The following ITFG2 variants were observed in gnomAD, a reference collection of about 807,000 sequenced individuals.
ITFG2 encodes KICSTOR complex protein ITFG2.
A neutral mutation model predicts 54.4 loss-of-function variants in ITFG2; 36 were observed. The observed-to-expected ratio is 0.66, with a 90% CI of 0.51 to 0.87. The LOEUF is 0.87. ITFG2 is among the 40% of genes least tolerant of loss of function. The probability of loss-of-function intolerance (pLI) is 0.00; values close to 1 mark genes in which losing one functional copy is unlikely to be tolerated. For missense variants in ITFG2, 524 were observed against 576.7 expected (o/e 0.91, Z 0.94); for synonymous variants, 211 against 225.4 (o/e 0.94, Z 0.57).
At chr12:2,827,801 T>TG, downstream of ITFG2, 1 of 1,603,370 alleles carries the variant, frequency 6.2e-7, no homozygotes, top group Admixed American at 1.7e-5. The surrounding 1 kb of genome is among the most constrained non-coding windows in gnomAD (Gnocchi z 4.0). Flanking sequence ...GGCACAGAGA[T>TG]GGGGGATAGT....
At chr12:2,859,715 C>T (rs752587658) in exon 4 of ITFG2, 7 of 1,342,312 alleles carry the variant, frequency 5.2e-6, no homozygotes, top group Non-Finnish European at 5.1e-6. Context: ...ACAGGACGCA[C>T]AAAAATATCA....
At chr12:2,823,669 A>C in intron 10 of ITFG2, 101 bp from the exon 11 acceptor site, 1 of 1,372,812 alleles carries the variant, frequency 7.3e-7, no homozygotes. Context: ...CATCAGTGGG[A>C]GGATGGAAAG....
At position 2,817,948 on chromosome 12, in the gene ITFG2, A is replaced by G. The variant is rs1418333923; in HGVS notation, c.232A>G (p.Lys78Glu). ...VGVGDVCNKGKNLLVAVSAEG... is the reference protein window; with the variant it reads ...VGVGDVCNKGENLLVAVSAEG... ...GGTTGGAGACGTGTGTAATAAAGGAAAGGTAAGAACTATAGGGGACCTTCC... is the reference window on the plus strand; with the variant it reads ...GGTTGGAGACGTGTGTAATAAAGGAGAGGTAAGAACTATAGGGGACCTTCC... The change falls in exon 3 of 12, where the codon AAG (lysine) becomes GAG (glutamate). Residue 78 changes from lysine (K) to glutamate (E), a missense_variant and splice_region_variant. By Grantham distance (56) the Lys-to-Glu change is moderately conservative. Coordinates refer to ENST00000228799, the MANE Select transcript of ITFG2 (RefSeq NM_018463.4). 1 of 1,613,622 alleles carries G rather than the reference A, an allele frequency of 6.2e-7. No individual in the cohort carries two copies. The highest frequency in any genetic ancestry group is 8.5e-7 in the Non-Finnish European group (1 of 1,179,896).
intron 1 of ITFG2, among the ~76,000 whole-genome samples, chr12:2,837,762 G>A (rs1222162083): frequency 7.2e-5 from 11 of 152,160 alleles, no homozygotes; most frequent in African/African-American, 2.4e-4. Context: ...CCAGAAATTC[G>A]AGGCTGCAGT....
rs1236675490 is a variant in ITFG2, at chr12:2,820,153, G to T, written c.474G>T (p.Glu158Asp). Reference sequence around the variant, plus strand: ...GTGTGGTGCGAGCTTTCCGCTGGGAGGAGCTAGGTGAGGGTCCTGAACATC... The same window carrying T: ...GTGTGGTGCGAGCTTTCCGCTGGGATGAGCTAGGTGAGGGTCCTGAACATC... The part of the protein sequence containing the change: ...TDRVVRAFRW[E>D]ELGEGPEHLT... Residue 158 changes from glutamate to aspartate, a missense_variant, in exon 5 of 12, where the codon GAG (glutamate) becomes GAT (aspartate). Glu to Asp is a conservative substitution (Grantham distance 45). Coordinates refer to ENST00000228799, the MANE Select transcript of ITFG2 (RefSeq NM_018463.4). 1.9e-6 allele frequency: 3 copies of T among 1,613,930 alleles called. No homozygotes were observed. The highest frequency in any genetic ancestry group is 2.7e-5 in the African/African-American group (2 of 74,932).
intron 2 of ITFG2, among the ~76,000 whole-genome samples, chr12:2,850,019 G>A (rs1016597366): frequency 5.9e-5 from 9 of 152,260 alleles, no homozygotes; most frequent in East Asian, 3.9e-4. Flanking sequence ...CCCCTGGTTC[G>A]GCAGATAGTC....
chr12:2,859,173 G>A lies in ITFG2; in HGVS notation n.621-361G>A, dbSNP rs555600796. 3 of 1,608,180 alleles carry A rather than the reference G, an allele frequency of 1.9e-6. No individual in the cohort carries two copies. In the Admixed American group the frequency reaches 5.0e-5, roughly 27 times the overall value. On this transcript the variant is annotated intron_variant and non_coding_transcript_variant, in intron 3 of 3. Coordinates refer to the ITFG2 transcript ENST00000537710. ...CACTTCCTGGGAGTAGCTGAGCTGGGAGGCAGGGTCAGAGGAGTCTGCTGG... is the reference window on the plus strand; with the variant it reads ...CACTTCCTGGGAGTAGCTGAGCTGGAAGGCAGGGTCAGAGGAGTCTGCTGG...
rs2034798093 is a variant in ITFG2, at chr12:2,859,189, A to C, written n.621-345A>C. ...CTGAGCTGGGAGGCAGGGTCAGAGG[A>C]GTCTGCTGGGAACGGGAGCTCTGCG... On this transcript the variant is annotated intron_variant and non_coding_transcript_variant, in intron 3 of 3. Coordinates refer to the ITFG2 transcript ENST00000537710. 14 of 1,610,442 alleles carry C rather than the reference A, an allele frequency of 8.7e-6. No homozygotes were observed. The East Asian group carries it at 2.9e-4, about 33-fold the overall frequency.
chr12:2,828,756 C>G (rs558536129), downstream of ITFG2, among the ~76,000 whole-genome samples: 1 of 152,102 alleles, frequency 6.6e-6, no homozygotes, highest in Non-Finnish European at 1.5e-5. Context: ...GCAGGAGAAT[C>G]GCTTGAACCC....
Position 2,820,830 on chromosome 12 carries a change from C to A in ITFG2, c.653C>A (p.Thr218Asn), listed in dbSNP as rs1421777642. 1 of 1,614,042 alleles carries A rather than the reference C, an allele frequency of 6.2e-7. No individual in the cohort carries two copies. The change falls in exon 6 of 12, where the codon ACT becomes AAT. Residue 218 changes from threonine (T) to asparagine (N), a missense_variant. Coordinates refer to ENST00000228799, the MANE Select transcript of ITFG2 (RefSeq NM_018463.4). The part of the protein sequence containing the change: ...AILLCTWKKD[T>N]GSPPASEGPT... ...CTACTGTGTACCTGGAAAAAGGACA[C>A]TGGGTCCCCTCCTGCCTCTGAAGGG...
intron 2 of ITFG2, among the ~76,000 whole-genome samples, chr12:2,843,094 A>G (rs2098045290): frequency 6.6e-6 from 1 of 152,230 alleles, no homozygotes; most frequent in African/African-American, 2.4e-5. Context: ...CACCCAGTCC[A>G]GTGCCCTGCC....
intron 2 of ITFG2, chr12:2,830,753 CCTCCTGCT>C: frequency 6.2e-7 from 1 of 1,613,922 alleles, no homozygotes; most frequent in Non-Finnish European, 8.5e-7. Context: ...TGCTGGTCTT[CCTCCTGCT>C]CTCCTGGCCA....
At chr12:2,832,371 C>T (rs1195497193), upstream of ITFG2, among the ~76,000 whole-genome samples, 5 of 152,032 alleles carry the variant, frequency 3.3e-5, no homozygotes, top group Admixed American at 1.3e-4. Flanking sequence ...CCAGAAGCAC[C>T]GCTCATACCA....
At chr12:2,819,055 C>T (rs1313786800) in intron 4 of ITFG2, among the ~76,000 whole-genome samples, 1 of 151,778 alleles carries the variant, frequency 6.6e-6, no homozygotes, top group Non-Finnish European at 1.5e-5. Flanking sequence ...CGGTGGTTCA[C>T]GCCTGTAATC....
At chr12:2,833,721 A>G (rs1167708133), upstream of ITFG2, among the ~76,000 whole-genome samples, 2 of 152,166 alleles carry the variant, frequency 1.3e-5, no homozygotes, top group Non-Finnish European at 2.9e-5. Context: ...ATGGAGTAAT[A>G]GCTGGGGGAA....
At chr12:2,853,682 T>C (rs1208894797) in intron 2 of ITFG2, among the ~76,000 whole-genome samples, 1 of 152,196 alleles carries the variant, frequency 6.6e-6, no homozygotes, top group African/African-American at 2.4e-5. Context: ...GCCCTTGGGA[T>C]TGGAATTTGA....
At chr12:2,839,013 T>G (rs531390901) in intron 1 of ITFG2, among the ~76,000 whole-genome samples, 89 of 151,328 alleles carry the variant, frequency 5.9e-4, no homozygotes, top group African/African-American at 2.1e-3. Flanking sequence ...ACAATTTAGC[T>G]GGGCACAGTG....
chr12:2,855,432 G>A lies in ITFG2; in HGVS notation n.301-2580G>A, dbSNP rs758237513. On this transcript the variant is annotated intron_variant and non_coding_transcript_variant, in intron 2 of 3. Transcript: ENST00000537710. Reference sequence around the variant, plus strand: ...ACGTTTGGGAGGGTGGGAGGGACTCGCTGGCCTGGACCATCTAGGGAGAGA... The same window carrying A: ...ACGTTTGGGAGGGTGGGAGGGACTCACTGGCCTGGACCATCTAGGGAGAGA... 204 of 1,470,600 alleles carry A rather than the reference G, an allele frequency of 1.4e-4. 1 individual carries two copies. The highest frequency in any genetic ancestry group is 7.3e-4 in the Middle Eastern group (3 of 4,116). The allele number at this position is 1,470,600 out of a possible 1,614,324, so 91.1% of individuals were successfully genotyped here.
chr12:2,837,274 G>A (rs1006426183), intron 1 of ITFG2, among the ~76,000 whole-genome samples: 3 of 151,718 alleles, frequency 2.0e-5, no homozygotes, highest in Non-Finnish European at 4.4e-5. Context: ...TCAGGAGACC[G>A]AGACCATCCT....
Sources: gnomAD v4.1 joint callset for allele counts (sites outside exome capture counted in the v4.1 genomes callset) on GRCh38, gnomAD v4.1.1 for gene constraint, Gnocchi (gnomAD v3.1) non-coding constraint, MANE v1.5 for transcripts, NCBI Gene and HGNC (gene_info 2026-07-23, HGNC 2026-07-21) for gene names.